ASTN2: variants seen among roughly 807,000 people sequenced by gnomAD.
The protein encoded by ASTN2 is astrotactin-2.
A neutral mutation model predicts 139.8 loss-of-function variants in ASTN2; 54 were observed. That is an observed-to-expected ratio of 0.39 (90% CI 0.31 to 0.48). The LOEUF (loss-of-function observed/expected upper bound fraction) is 0.48. ASTN2 is among the 20% of genes least tolerant of loss of function. The probability of loss-of-function intolerance (pLI) is 0.95; values close to 1 mark genes in which losing one functional copy is unlikely to be tolerated. For missense variants in ASTN2, 1,565 were observed against 1,725.1 expected (o/e 0.91, Z 1.64); for synonymous variants, 756 against 719.5 (o/e 1.05, Z -0.81).
At position 117,407,100 on chromosome 9, in the gene ASTN2, G is replaced by A. The variant is rs1430599333; in HGVS notation, c.442+7397C>T. Among the ~76,000 whole-genome samples, 96 of 152,134 alleles carry A rather than the reference G, an allele frequency of 6.3e-4. 1 individual carries two copies. Among genetic ancestry groups the A allele is most frequent in the Non-Finnish European group, 4.4e-5 (3 of 68,020 alleles). ...CTCTGGTGCAGAGGGGTCAGAAAAGGCTTCAAAAATAAGTTGACACCTGAA... is the reference window on the plus strand; with the variant it reads ...CTCTGGTGCAGAGGGGTCAGAAAAGACTTCAAAAATAAGTTGACACCTGAA... On this transcript the variant is annotated intron_variant, in intron 1 of 22. Transcript: ENST00000313400.
At chr9:117,329,422 T>A (rs1299448876) in intron 1 of ASTN2, among the ~76,000 whole-genome samples, 1 of 151,734 alleles carries the variant, frequency 6.6e-6, no homozygotes, top group Non-Finnish European at 1.5e-5. Flanking sequence ...AATAATAATG[T>A]AGACAGGAAA....
At chr9:117,408,726 A>G (rs1292086899) in intron 1 of ASTN2, among the ~76,000 whole-genome samples, 1 of 152,192 alleles carries the variant, frequency 6.6e-6, no homozygotes, top group Non-Finnish European at 1.5e-5. Flanking sequence ...TGACCCCCCA[A>G]GAAACAGCAA....
At chr9:116,706,257 G>A (rs1019059791) in intron 16 of ASTN2, among the ~76,000 whole-genome samples, 4 of 152,046 alleles carry the variant, frequency 2.6e-5, no homozygotes, top group Non-Finnish European at 4.4e-5. Flanking sequence ...AGAAGCCTAC[G>A]CCAAATAAGT....
chr9:117,132,627 C>A (rs1829853039), intron 4 of ASTN2, among the ~76,000 whole-genome samples: 1 of 152,128 alleles, frequency 6.6e-6, no homozygotes, highest in African/African-American at 2.4e-5. Flanking sequence ...AAAGACACAT[C>A]AGGGAAGATT....
In ASTN2 at chr9:116,487,461, A is replaced by G. The variant is rs199818695; in HGVS notation, c.3395T>C (p.Leu1132Pro). The G allele has an allele frequency of 6.2e-7, 1 of 1,614,074 alleles. No homozygotes were observed. ...LSFADDLLSG[L>P]GTSCVAAGRS... ...ACCAGCTGCTACACAAGATGTGCCC[A>G]GGCCAGAGAGTAAGTCATCAGCAAA... is the stretch of plus-strand genomic sequence containing the variant. Residue 1132 changes from leucine (L) to proline (P), a missense_variant, in exon 20 of 23, where the codon CTG (leucine) becomes CCG (proline). Around this residue, in one of 4 missense-constraint regions of ASTN2, gnomAD observed 418 missense variants for 465.8 expected, o/e 0.90. Coordinates refer to ENST00000313400, the MANE Select transcript of ASTN2 (RefSeq NM_001365068.1).
intron 4 of ASTN2, among the ~76,000 whole-genome samples, chr9:117,115,282 C>A (rs771526840): frequency 3.3e-5 from 5 of 151,924 alleles, no homozygotes; most frequent in African/African-American, 4.8e-5. Flanking sequence ...TTTGGGAGGC[C>A]GAGGCAGGTG....
At chr9:116,964,250 T>C (rs1482336931) in intron 10 of ASTN2, among the ~76,000 whole-genome samples, 125 of 134,546 alleles carry the variant, frequency 9.3e-4, no homozygotes, top group Non-Finnish European at 7.5e-4. Context: ...TGTGTGTGTG[T>C]GTGTGTGCGC....
intron 3 of ASTN2, among the ~76,000 whole-genome samples, chr9:117,173,191 C>G (rs992017939): frequency 6.6e-5 from 10 of 152,238 alleles, no homozygotes; most frequent in Admixed American, 5.2e-4. Flanking sequence ...AATAAAACCA[C>G]AGCAATCCAA....
intron 10 of ASTN2, among the ~76,000 whole-genome samples, chr9:116,950,846 C>T (rs1261271829): frequency 6.6e-6 from 1 of 152,178 alleles, no homozygotes; most frequent in Non-Finnish European, 1.5e-5. Context: ...CAGTAAGTGT[C>T]CTTGGCTGGG....
intron 17 of ASTN2, among the ~76,000 whole-genome samples, chr9:116,629,598 GA>G (rs5900221): frequency 0.084 from 12,767 of 151,950 alleles, 1,474 homozygotes; most frequent in South Asian, 0.29. Context: ...CCCATACAGT[GA>G]AAAAAATACT....
intron 7 of ASTN2, among the ~76,000 whole-genome samples, chr9:116,993,899 AT>A (rs1017570394): frequency 2.5e-4 from 36 of 146,906 alleles, no homozygotes; most frequent in Non-Finnish European, 4.6e-4. Context: ...TACTATATAT[AT>A]TTTAGCTCTG....
chr9:117,044,738 G>A (rs902777755), intron 5 of ASTN2, among the ~76,000 whole-genome samples: 5 of 152,084 alleles, frequency 3.3e-5, no homozygotes, highest in African/African-American at 9.7e-5. Flanking sequence ...ATTCATTTAC[G>A]AATCCAGCCG....
intron 22 of ASTN2, among the ~76,000 whole-genome samples, chr9:116,438,511 C>A (rs73520353): frequency 6.6e-6 from 1 of 152,062 alleles, no homozygotes; most frequent in African/African-American, 2.4e-5. Flanking sequence ...AAGTGTAGGC[C>A]GAGTTCCTCT....
At chr9:117,366,225 T>C (rs1829840283) in intron 1 of ASTN2, among the ~76,000 whole-genome samples, 1 of 152,120 alleles carries the variant, frequency 6.6e-6, no homozygotes, top group Non-Finnish European at 1.5e-5. Context: ...TCCCAATTAA[T>C]ACACTCAATG....
chr9:117,008,938 A>C (rs979259187), intron 6 of ASTN2, among the ~76,000 whole-genome samples: 3 of 152,194 alleles, frequency 2.0e-5, no homozygotes, highest in African/African-American at 7.2e-5. Context: ...AAACGGAGAC[A>C]AAGTGAGATT....
intron 17 of ASTN2, among the ~76,000 whole-genome samples, chr9:116,628,348 C>T (rs1856565767): frequency 6.6e-6 from 1 of 152,190 alleles, no homozygotes; most frequent in African/African-American, 2.4e-5. Flanking sequence ...CTCAGTAAGT[C>T]TCTTCCCCTC....
intron 10 of ASTN2, among the ~76,000 whole-genome samples, chr9:116,878,370 G>A (rs981253359): frequency 9.2e-5 from 14 of 152,214 alleles, no homozygotes; most frequent in Non-Finnish European, 5.9e-5. Context: ...ATACTATGCA[G>A]CCATAAAAAG....
intron 1 of ASTN2, among the ~76,000 whole-genome samples, chr9:117,309,267 T>C (rs1197112521): frequency 7.2e-5 from 11 of 152,236 alleles, no homozygotes; most frequent in Non-Finnish European, 1.5e-4. Context: ...CTTCTGCCAC[T>C]GGCTGCATCT....
At chr9:116,622,511 C>T (rs951825755) in intron 17 of ASTN2, among the ~76,000 whole-genome samples, 3 of 152,200 alleles carry the variant, frequency 2.0e-5, no homozygotes, top group African/African-American at 7.2e-5. Flanking sequence ...ACAGATATTA[C>T]GATCCTCATT....
Sources: allele counts gnomAD v4.1 joint callset (sites outside exome capture counted in the v4.1 genomes callset), GRCh38; gene constraint gnomAD v4.1.1; regional missense constraint gnomAD v4.1.1; transcripts MANE v1.5; gene names NCBI Gene and HGNC (gene_info 2026-07-23, HGNC 2026-07-21).